The following PGAP3 variants were observed in gnomAD, a reference collection of about 807,000 sequenced individuals.
The protein encoded by PGAP3 is post-GPI attachment to proteins phospholipase 3, also known as GPI-specific phospholipase A2-like PGAP3.
Under a neutral mutation model 40.3 loss-of-function variants are expected in PGAP3, and 31 were observed. The ratio of observed to expected loss-of-function variants is 0.77; its 90% CI spans 0.58 to 1.04. The LOEUF (loss-of-function observed/expected upper bound fraction) is 1.04, where lower values mean the gene tolerates loss of function less well. PGAP3 is among the 50% of genes least tolerant of loss of function. The probability of loss-of-function intolerance (pLI) is 0.00; values close to 1 mark genes in which losing one functional copy is unlikely to be tolerated. For synonymous variants in PGAP3, 191 were observed against 184.5 expected (o/e 1.04, Z -0.29); for missense variants, 413 against 423.0 (o/e 0.98, Z 0.21).
chr17:39,674,466 T>A (rs998466037), intron 4 of PGAP3, 151 bp downstream of exon 4: 1 of 812,466 alleles, frequency 1.2e-6, no homozygotes, highest in African/African-American at 1.7e-5. Context: ...TCACTGAGGA[T>A]CAAGGGCACC....
intron 5 of PGAP3, 113 bp from the exon 6 acceptor site, chr17:39,673,763 C>A: frequency 7.0e-7 from 1 of 1,434,068 alleles, no homozygotes; most frequent in South Asian, 1.3e-5. Flanking sequence ...GTCACTACCC[C>A]TCTCCCCACC....
chr17:39,675,622 A>G (rs1877161506), intron 3 of PGAP3, among the ~76,000 whole-genome samples: 1 of 152,178 alleles, frequency 6.6e-6, no homozygotes, highest in Non-Finnish European at 1.5e-5. Context: ...AGTTGGCTCC[A>G]ATGTACCAGG....
In PGAP3 at chr17:39,674,116, A is replaced by G. The variant is rs2057346412; in HGVS notation, c.496-62T>C. 1.0e-5 allele frequency: 16 copies of G among 1,535,934 alleles called. No individual in the cohort carries two copies. The South Asian group carries it at 1.7e-4, about 16-fold the overall frequency. ...GGCTTCACGGAGAGGACCCGCGGGG[A>G]TGGGGGCATGGAGGAGTGGCAGAGA... On this transcript the variant is annotated intron_variant, in intron 4 of 7. Coordinates refer to ENST00000300658, the MANE Select transcript of PGAP3 (RefSeq NM_033419.5).
At position 39,684,616 on chromosome 17, in the gene PGAP3, G is replaced by T; in HGVS notation, c.413C>A (p.Thr138Asn). Residue 138 changes from threonine (T) to asparagine (N), a missense_variant, in exon 3 of 8, where the codon ACC becomes AAC. Physicochemically the swap from Thr to Asn is moderately conservative, Grantham distance 65. Coordinates refer to ENST00000300658, the MANE Select transcript of PGAP3 (RefSeq NM_033419.5). ...ACCTACCCAGGCGAAGGCCACACAG[G>T]TGTGGTACATGGGGGAGGAGGCTGG... Reference protein sequence around the residue: ...FVPASSPMYHTCVAFAWVSLN... With the variant: ...FVPASSPMYHNCVAFAWVSLN... 1 of 1,613,646 alleles carries T rather than the reference G, an allele frequency of 6.2e-7. No homozygotes were observed. The highest frequency in any genetic ancestry group is 8.5e-7 in the Non-Finnish European group (1 of 1,179,786).
At chr17:39,674,115 G>A in intron 4 of PGAP3, 61 bp from the exon 5 acceptor site, 24 of 1,544,762 alleles carry the variant, frequency 1.6e-5, no homozygotes, top group Non-Finnish European at 2.1e-5. Context: ...GACCCGCGGG[G>A]ATGGGGGCAT....
At position 39,686,015 on chromosome 17, in the gene PGAP3, C is replaced by T; in HGVS notation, c.186G>A (p.Trp62Ter). Residue 62 changes from tryptophan to a stop codon, truncating the protein, a stop_gained, in exon 2 of 8, where the codon TGG (tryptophan) becomes TGA (stop). Coordinates refer to ENST00000300658, the MANE Select transcript of PGAP3 (RefSeq NM_033419.5). LOFTEE classifies it high-confidence loss of function. ...CATACTTACAGTCGTCCCGACAGGT[C>T]CAGCCTGAAACAGACAAATGTGGCC... ...RQPIYMSLAG[W>*]TCRDDCKYEC... The T allele has an allele frequency of 6.2e-7, 1 of 1,612,176 alleles. No individual in the cohort carries two copies.
intron 3 of PGAP3, among the ~76,000 whole-genome samples, chr17:39,675,697 AGGCAG>A (rs1312037933): frequency 1.3e-5 from 2 of 152,230 alleles, no homozygotes; most frequent in Non-Finnish European, 2.9e-5. Flanking sequence ...GCACTGTAGC[AGGCAG>A]GTCAGACAGT....
chr17:39,687,902 T>C lies in PGAP3; in HGVS notation c.113A>G (p.Glu38Gly), dbSNP rs762232354. ...CAGAGCGCCCCCAGAGCAGTTCTGC[T>C]CTTCGCACTGCAGTACGCAGTCGCG... ...VYRDCVLQCE[E>G]QNCSGGALNH... Residue 38 changes from glutamate (E) to glycine (G), a missense_variant, in exon 1 of 8, where the codon GAG (glutamate) becomes GGG (glycine). Glu to Gly is a moderately conservative substitution (Grantham distance 98, BLOSUM62 -2). Coordinates refer to ENST00000300658, the MANE Select transcript of PGAP3 (RefSeq NM_033419.5). 2.6e-6 allele frequency: 4 copies of C among 1,515,378 alleles called. No homozygotes were observed. Among genetic ancestry groups the C allele is most frequent in the Admixed American group, 4.0e-5 (2 of 49,868 alleles). 93.9% of individuals were successfully genotyped at this position (1,515,378 alleles called of 1,614,324 possible). A position where few individuals can be genotyped will look rare whatever the true frequency, so the allele number is the denominator to read the frequency against.
Position 39,687,846 on chromosome 17 carries a change from T to C in PGAP3, c.169A>G (p.Met57Val). 1 of 1,497,746 alleles carries C rather than the reference T, an allele frequency of 6.7e-7. No individual in the cohort carries two copies. The highest frequency in any genetic ancestry group is 1.4e-5 in the African/African-American group (1 of 71,066). The allele number at this position is 1,497,746 out of a possible 1,614,324, so 92.8% of individuals were successfully genotyped here. The change falls in exon 1 of 8, where the codon ATG (methionine) becomes GTG (valine). Residue 57 changes from methionine (M) to valine (V), a missense_variant. Met to Val is a conservative substitution (Grantham distance 21). Transcript: ENST00000300658. The part of the protein sequence containing the change: ...NHFRSRQPIY[M>V]SLAGWTCRDD... ...GGGTGGGGCTTACCTGCTAGACTCA[T>C]GTAGATTGGCTGGCGGGAGCGGAAG...
rs368267992 is a variant in PGAP3 at position 39,684,876 on chromosome 17, G to C, written c.280-127C>G. Reference sequence around the variant, plus strand: ...TCCTCAGCTCTGGAGTTTGGCCAAAGCCTCAGGTTCAGTACCTCTTCAGAC... The same window carrying C: ...TCCTCAGCTCTGGAGTTTGGCCAAACCCTCAGGTTCAGTACCTCTTCAGAC... On this transcript the variant is annotated intron_variant, in intron 2 of 7. Transcript: ENST00000300658. The C allele has an allele frequency of 1.3e-5, 16 of 1,207,380 alleles. No homozygotes were observed. The Admixed American group carries it at 1.4e-4, about 11-fold the overall frequency. 74.8% of individuals were successfully genotyped at this position (1,207,380 alleles called of 1,614,324 possible).
intron 3 of PGAP3, among the ~76,000 whole-genome samples, chr17:39,682,269 T>C (rs12936456): frequency 0.02 from 2,816 of 143,806 alleles, 174 homozygotes; most frequent in African/African-American, 0.074. Context: ...AAATCTGATG[T>C]TAACCAATCA....
At position 39,672,320 on chromosome 17, in the gene PGAP3, G is replaced by A. The variant is rs2057316807; in HGVS notation, c.*483C>T. The A allele has an allele frequency of 5.9e-6, 1 of 168,914 alleles. No homozygotes were observed. Among genetic ancestry groups the A allele is most frequent in the African/African-American group, 2.4e-5 (1 of 41,732 alleles). The allele number at this position is 168,914 out of a possible 1,614,324, so 10.5% of individuals were successfully genotyped here. A position where few individuals can be genotyped will look rare whatever the true frequency, so the allele number is the denominator to read the frequency against. On this transcript the variant is annotated 3_prime_UTR_variant, in exon 8 of 8. Transcript: ENST00000300658. The stretch of plus-strand genomic sequence containing the variant: ...CATGGGGAGAATCGCCGTGAACCTT[G>A]GCTGGCCAAAGAACAAGCATCCAGC...
intron 2 of PGAP3, among the ~76,000 whole-genome samples, chr17:39,685,216 G>A (rs1322950636): frequency 1.3e-5 from 2 of 151,562 alleles, no homozygotes; most frequent in Non-Finnish European, 1.5e-5. Context: ...GGTGGCTCAC[G>A]CCTGTAATCC....
chr17:39,682,659 ACTACCAACTGGT>A (rs1253478956), intron 3 of PGAP3, among the ~76,000 whole-genome samples: 4 of 152,160 alleles, frequency 2.6e-5, no homozygotes, highest in African/African-American at 9.7e-5. Context: ...CTGTGCTAAA[ACTACCAACTGGT>A]CTACTGCATC....
At chr17:39,677,784 G>A (rs545982562) in intron 3 of PGAP3, among the ~76,000 whole-genome samples, 7 of 152,306 alleles carry the variant, frequency 4.6e-5, no homozygotes, top group African/African-American at 7.2e-5. Context: ...TAAGAAAATC[G>A]AGACAAAAAT....
At chr17:39,673,937 C>T (rs1247487123) in intron 5 of PGAP3, 56 bp downstream of exon 5, 58 of 1,569,960 alleles carry the variant, frequency 3.7e-5, no homozygotes, top group Non-Finnish European at 4.9e-5. Context: ...GGCTGGGTGA[C>T]CCCTTTCTGC....
At chr17:39,673,789 G>T in intron 5 of PGAP3, 139 bp from the exon 6 acceptor site, 3 of 1,305,286 alleles carry the variant, frequency 2.3e-6, no homozygotes, top group South Asian at 1.4e-5. Context: ...GGCCACAGCT[G>T]GGCAGCAAGT....
At chr17:39,673,741 A>G in intron 5 of PGAP3, 91 bp from the exon 6 acceptor site, 2 of 1,539,964 alleles carry the variant, frequency 1.3e-6, no homozygotes, top group Admixed American at 1.8e-5. Context: ...ACATTGGTGC[A>G]TGGCCCCTGA....
chr17:39,685,928 A>G lies in PGAP3; in HGVS notation c.273T>C (p.His91=). Residue 91 remains histidine, a synonymous_variant, in exon 2 of 8, where the codon CAT becomes CAC. Coordinates refer to ENST00000300658, the MANE Select transcript of PGAP3 (RefSeq NM_033419.5). ...LQEGHKVPQF[H]GKWPFSRFLF... ...CCCTGACCCTCCAACTCACCTTGCCATGGAACTGAGGCACTTTGTGACCTT... is the reference window on the plus strand; with the variant it reads ...CCCTGACCCTCCAACTCACCTTGCCGTGGAACTGAGGCACTTTGTGACCTT... The G allele has an allele frequency of 6.2e-7, 1 of 1,612,828 alleles. No homozygotes were observed. The highest frequency in any genetic ancestry group is 8.5e-7 in the Non-Finnish European group (1 of 1,179,096).
Sources: allele counts gnomAD v4.1 joint callset (sites outside exome capture counted in the v4.1 genomes callset), GRCh38; gene constraint gnomAD v4.1.1; transcripts MANE v1.5; gene names NCBI Gene and HGNC (gene_info 2026-07-23, HGNC 2026-07-21).